DPP6: variants seen among roughly 807,000 people sequenced by gnomAD.
DPP6 encodes dipeptidyl peptidase like 6, also known as A-type potassium channel modulatory protein DPP6.
DPP6 carries 69 observed loss-of-function variants against 122.6 expected under a neutral mutation model. That is an observed-to-expected ratio of 0.56 (90% CI 0.46 to 0.69). The LOEUF is 0.69. Among genes scored for constraint, DPP6 ranks in the 30% least tolerant of loss-of-function variants. DPP6 has a pLI of 0.00. For missense variants in DPP6, 928 were observed against 1,116.9 expected, an observed-to-expected ratio of 0.83 and a Z score of 2.41; for synonymous variants, 418 against 433.1, an observed-to-expected ratio of 0.97 and a Z score of 0.43.
rs192591349 is a variant in DPP6 at position 154,256,455 on chromosome 7, G to T, written c.244-189759G>T. Among the ~76,000 whole-genome samples, 6 of 152,298 alleles carry T rather than the reference G, an allele frequency of 3.9e-5. No homozygotes were observed. The East Asian group carries it at 1.2e-3, about 29-fold the overall frequency. On this transcript the variant is annotated intron_variant, in intron 1 of 25. Coordinates refer to ENST00000377770, the MANE Select transcript of DPP6 (RefSeq NM_130797.4). ...AAAACGATCAGTCTGCATGACGGGC[G>T]CATGGAAAGGAAGCCTGACATTTGA... is the stretch of plus-strand genomic sequence containing the variant.
the DPP6 span, among the ~76,000 whole-genome samples, chr7:153,798,476 T>A: frequency 6.6e-6 from 1 of 152,282 alleles, no homozygotes; most frequent in Admixed American, 6.5e-5. Context: ...TCATTCAACC[T>A]ACTTGGGGCT....
intron 1 of DPP6, among the ~76,000 whole-genome samples, chr7:154,252,233 T>TGTGTGTGC (rs1554501558): frequency 7.1e-6 from 1 of 140,104 alleles, no homozygotes; most frequent in Non-Finnish European, 1.6e-5. Flanking sequence ...TGTGTGTGTG[T>TGTGTGTGC]GTGCGCGCAT....
At chr7:154,431,683 T>C (rs941435612) in intron 1 of DPP6, among the ~76,000 whole-genome samples, 4 of 151,838 alleles carry the variant, frequency 2.6e-5, no homozygotes, top group African/African-American at 7.2e-5. Context: ...GACAGGTGCA[T>C]GCCACCACGC....
intron 1 of DPP6, among the ~76,000 whole-genome samples, chr7:154,328,760 C>T (rs1310173361): frequency 6.6e-6 from 1 of 152,196 alleles, no homozygotes; most frequent in East Asian, 1.9e-4. Context: ...AACACACCCA[C>T]TGGCTCCTTG....
Position 154,720,274 on chromosome 7 carries a change from C to T in DPP6, c.763-7493C>T, listed in dbSNP as rs148096245. Among the ~76,000 whole-genome samples the T allele has an allele frequency of 7.2e-4, 109 of 152,260 alleles. 1 individual carries two copies. In the East Asian group the frequency reaches 0.018, roughly 25 times the overall value. On this transcript the variant is annotated intron_variant, in intron 7 of 25. Coordinates refer to ENST00000377770, the MANE Select transcript of DPP6 (RefSeq NM_130797.4). ...CAGCAGGCAGAGCTTCCAGGCAGGG[C>T]GCCAGGGCAGGGCAGCATGGAGGAA...
chr7:153,757,334 G>A, the DPP6 span, among the ~76,000 whole-genome samples: 4 of 152,190 alleles, frequency 2.6e-5, no homozygotes, highest in African/African-American at 9.6e-5. Flanking sequence ...CTGACAAAAT[G>A]TGCGCACAGC....
chr7:154,308,943 T>C (rs1304742728), intron 1 of DPP6, among the ~76,000 whole-genome samples: 1 of 152,204 alleles, frequency 6.6e-6, no homozygotes, highest in East Asian at 1.9e-4. Flanking sequence ...TGTATGTATG[T>C]GTGTGCATGC....
At chr7:153,982,754 G>A (rs569327044) in intron 1 of DPP6, among the ~76,000 whole-genome samples, 15 of 152,146 alleles carry the variant, frequency 9.9e-5, no homozygotes, top group Non-Finnish European at 2.1e-4. Context: ...TGTTTATGTC[G>A]ATGCTATTCC....
intron 1 of DPP6, among the ~76,000 whole-genome samples, chr7:154,022,118 A>G (rs920518871): frequency 2.0e-5 from 3 of 152,124 alleles, no homozygotes; most frequent in Non-Finnish European, 4.4e-5. Flanking sequence ...TAAAACAAGA[A>G]TAAACTTTAC....
rs368160758 is a variant in DPP6, at chr7:154,804,886, C to G, written c.1500-31C>G. On this transcript the variant is annotated intron_variant, in intron 14 of 25. Transcript: ENST00000377770. ...AAGTGCAGACGTGCCTTGGAGCAAA[C>G]TAACCCTGTGCACCTTGGTGATCTT... The G allele has an allele frequency of 5.5e-5, 87 of 1,591,156 alleles. No individual in the cohort carries two copies. The African/African-American group carries it at 1.1e-3, about 20-fold the overall frequency.
chr7:154,517,012 A>G (rs1004948972), intron 3 of DPP6, among the ~76,000 whole-genome samples: 6 of 152,136 alleles, frequency 3.9e-5, no homozygotes, highest in Non-Finnish European at 8.8e-5. Context: ...TGTGTTTGCT[A>G]TATGAAAGCA....
rs1263544214 is a variant in DPP6, at chr7:154,845,677, A to T, written c.1667-8103A>T. On this transcript the variant is annotated intron_variant, in intron 16 of 25. Coordinates refer to ENST00000377770, the MANE Select transcript of DPP6 (RefSeq NM_130797.4). ...TAAAGTATAATAATAAAAAAGAAAG[A>T]TGTCCAGCTTTACTCAAAATTTCTA... Among the ~76,000 whole-genome samples, 3 of 152,246 alleles carry T rather than the reference A, an allele frequency of 2.0e-5. 1 individual carries two copies. The highest frequency in any genetic ancestry group is 4.1e-4 in the South Asian group (2 of 4,832).
At chr7:154,176,291 T>C (rs1797799301) in intron 1 of DPP6, among the ~76,000 whole-genome samples, 1 of 152,168 alleles carries the variant, frequency 6.6e-6, no homozygotes, top group African/African-American at 2.4e-5. Flanking sequence ...TCAGTATCTT[T>C]GTGGATATGG....
chr7:154,379,496 T>G (rs538132782), intron 1 of DPP6, among the ~76,000 whole-genome samples: 143 of 152,112 alleles, frequency 9.4e-4, no homozygotes, highest in African/African-American at 3.2e-3. Context: ...ACCCTAGAAC[T>G]TAAAAGTATA....
At chr7:153,781,153 C>T in the DPP6 span, among the ~76,000 whole-genome samples, 1 of 152,170 alleles carries the variant, frequency 6.6e-6, no homozygotes, top group Non-Finnish European at 1.5e-5. Flanking sequence ...ATTATCTATG[C>T]ACGTCACGAT....
chr7:153,955,844 T>C (rs1802435861), intron 1 of DPP6, among the ~76,000 whole-genome samples: 1 of 152,064 alleles, frequency 6.6e-6, no homozygotes, highest in African/African-American at 2.4e-5. Context: ...TCAGTAAGTA[T>C]GATTTCAGAG....
chr7:154,512,715 T>C (rs187766985), intron 3 of DPP6, among the ~76,000 whole-genome samples: 1 of 152,210 alleles, frequency 6.6e-6, no homozygotes, highest in Non-Finnish European at 1.5e-5. Context: ...AATCATCATC[T>C]TAGGGATGGC....
At chr7:154,588,071 G>C (rs748700665) in intron 5 of DPP6, 5 of 1,605,710 alleles carry the variant, frequency 3.1e-6, no homozygotes, top group Non-Finnish European at 4.3e-6. Flanking sequence ...TCGGGCCAGA[G>C]AGCAACCGAG....
intron 2 of DPP6, among the ~76,000 whole-genome samples, chr7:154,461,891 T>G (rs1821330244): frequency 2.0e-5 from 3 of 152,212 alleles, no homozygotes; most frequent in Admixed American, 2.0e-4. Context: ...CATTTTTGCT[T>G]TGGTTGCCTT....
Sources: allele counts gnomAD v4.1 joint callset (sites outside exome capture counted in the v4.1 genomes callset), GRCh38; gene constraint gnomAD v4.1.1; transcripts MANE v1.5; gene names NCBI Gene and HGNC (gene_info 2026-07-23, HGNC 2026-07-21).